Variants in RASA2 observed in about 807,000 individuals in gnomAD.
RASA2 encodes ras GTPase-activating protein 2.
A neutral mutation model predicts 118.2 loss-of-function variants in RASA2; 155 were observed. The ratio of observed to expected loss-of-function variants is 1.31; its 90% CI spans 1.15 to 1.50. RASA2 has a LOEUF of 1.50. RASA2 is among the 40% of genes most tolerant of loss of function. The probability of loss-of-function intolerance (pLI) is 0.00; values close to 1 mark genes in which losing one functional copy is unlikely to be tolerated. For synonymous variants in RASA2, 353 were observed against 349.1 expected (o/e 1.01, Z -0.12); for missense variants, 1,016 against 1,009.6 (o/e 1.01, Z -0.09).
Position 141,580,423 on chromosome 3 carries a change from G to A in RASA2, c.1646G>A (p.Gly549Glu). Residue 549 changes from glycine (G) to glutamate (E), a missense_variant, in exon 16 of 24, where the codon GGA (glycine) becomes GAA (glutamate). Gly to Glu is a moderately conservative substitution (Grantham distance 98). Around this residue, in one of 2 missense-constraint regions of RASA2, gnomAD observed 896 missense variants for 836.4 expected, o/e 1.07. Transcript: ENST00000286364. ...ATCTCAAAAACTATACAAACTTTGG[G>A]AAGCTGGGGGAGTCTGTCCAAAAGC... Reference protein sequence around the residue: ...TLISKTIQTLGSWGSLSKSKS... With the variant: ...TLISKTIQTLESWGSLSKSKS... 6.2e-7 allele frequency: 1 copy of A among 1,608,290 alleles called. No homozygotes were observed. Among genetic ancestry groups the A allele is most frequent in the Non-Finnish European group, 8.5e-7 (1 of 1,175,962 alleles).
intron 3 of RASA2, among the ~76,000 whole-genome samples, chr3:141,526,415 T>C (rs1050318571): frequency 6.6e-6 from 1 of 151,964 alleles, no homozygotes; most frequent in African/African-American, 2.4e-5. Flanking sequence ...CGTACTTCCT[T>C]CTCATTTATC....
At chr3:141,549,747 G>A (rs1221311639) in intron 5 of RASA2, among the ~76,000 whole-genome samples, 2 of 152,120 alleles carry the variant, frequency 1.3e-5, no homozygotes, top group African/African-American at 2.4e-5. Flanking sequence ...AAAGAACCTG[G>A]ACTCCTTTTT....
Position 141,586,650 on chromosome 3 carries a change from A to G in RASA2, c.1831A>G (p.Met611Val). The part of the protein sequence containing the change: ...SEPVHLKEGE[M>V]YKRAQGRTRI... ...TTACATCTGTTATGTTGGCAGTGAG[A>G]TGTATAAAAGAGCTCAAGGAAGAAC... Residue 611 changes from methionine (M) to valine (V), a missense_variant, in exon 19 of 24, where the codon ATG becomes GTG. Met to Val is a conservative substitution (Grantham distance 21). This residue lies in a region of RASA2 where 896 missense variants were observed against 836.4 expected (regional missense o/e 1.07). Transcript: ENST00000286364. The G allele has an allele frequency of 3.8e-6, 6 of 1,599,244 alleles. No homozygotes were observed. The highest frequency in any genetic ancestry group is 5.1e-6 in the Non-Finnish European group (6 of 1,167,672).
Position 141,586,633 on chromosome 3 carries a change from G to C in RASA2, c.1827-13G>C, listed in dbSNP as rs2083206827. On this transcript the variant is annotated splice_polypyrimidine_tract_variant and intron_variant, in intron 18 of 23. Transcript: ENST00000286364. ...TTTTTATAGCTAAATGTTTACATCT[G>C]TTATGTTGGCAGTGAGATGTATAAA... The C allele has an allele frequency of 1.3e-6, 2 of 1,549,564 alleles. No homozygotes were observed. The highest frequency in any genetic ancestry group is 1.8e-6 in the Non-Finnish European group (2 of 1,124,614).
intron 9 of RASA2, among the ~76,000 whole-genome samples, chr3:141,563,465 A>G (rs1012614506): frequency 6.6e-6 from 1 of 152,172 alleles, no homozygotes; most frequent in Non-Finnish European, 1.5e-5. Flanking sequence ...AAATAATCAC[A>G]TTTATATAGT....
At chr3:141,573,054 C>A in intron 12 of RASA2, 93 bp from the exon 13 acceptor site, 1 of 1,122,362 alleles carries the variant, frequency 8.9e-7, no homozygotes, top group Non-Finnish European at 1.2e-6. Flanking sequence ...GTTTAAATTT[C>A]TATAATTAAC....
At chr3:141,489,804 C>T (rs1295909638) in intron 1 of RASA2, among the ~76,000 whole-genome samples, 1 of 151,724 alleles carries the variant, frequency 6.6e-6, no homozygotes. Context: ...TTATACTTCA[C>T]AAGGTGAAAT....
At chr3:141,573,829 A>G in intron 13 of RASA2, 115 bp from the exon 14 acceptor site, 1 of 865,028 alleles carries the variant, frequency 1.2e-6, no homozygotes. Flanking sequence ...TACTTTAAAA[A>G]ATGTTAGATA....
chr3:141,585,346 G>C (rs1402968469), intron 17 of RASA2, among the ~76,000 whole-genome samples: 1 of 152,134 alleles, frequency 6.6e-6, no homozygotes, highest in Non-Finnish European at 1.5e-5. Context: ...CCTTACACCA[G>C]TTCAGGTTAA....
At chr3:141,537,550 C>G (rs2082345130) in intron 4 of RASA2, among the ~76,000 whole-genome samples, 1 of 152,170 alleles carries the variant, frequency 6.6e-6, no homozygotes, top group Non-Finnish European at 1.5e-5. Flanking sequence ...GGGAAAATTA[C>G]TTGAGGTCAG....
intron 23 of RASA2, among the ~76,000 whole-genome samples, chr3:141,611,534 C>G (rs148183722): frequency 2.0e-5 from 3 of 152,226 alleles, no homozygotes; most frequent in African/African-American, 7.2e-5. Context: ...ATCCTCAAAT[C>G]AGCCCAACTT....
At chr3:141,576,887 T>C in intron 14 of RASA2, 113 bp from the exon 15 acceptor site, 1 of 567,168 alleles carries the variant, frequency 1.8e-6, no homozygotes, top group Non-Finnish European at 2.9e-6. Context: ...CAGTTCTTAC[T>C]AGACAAATTA....
At chr3:141,609,397 TTA>T (rs1274024555) in intron 21 of RASA2, 21 bp from the exon 22 acceptor site, 11 of 1,406,856 alleles carry the variant, frequency 7.8e-6, no homozygotes, top group South Asian at 1.5e-5. Flanking sequence ...TATAATATCT[TTA>T]TTTTTTTATT....
At chr3:141,544,258 C>T (rs1464349075) in intron 5 of RASA2, among the ~76,000 whole-genome samples, 3 of 152,138 alleles carry the variant, frequency 2.0e-5, no homozygotes, top group African/African-American at 7.2e-5. Flanking sequence ...TTGGGGTTCG[C>T]TCAGCTTCTT....
At chr3:141,511,051 T>G (rs945035809) in intron 1 of RASA2, among the ~76,000 whole-genome samples, 1 of 152,158 alleles carries the variant, frequency 6.6e-6, no homozygotes, top group Non-Finnish European at 1.5e-5. Flanking sequence ...ACTCGGTGAT[T>G]CTGGTCAAGG....
At chr3:141,572,523 T>G (rs2082940137) in intron 11 of RASA2, 86 bp from the exon 12 acceptor site, 2 of 924,110 alleles carry the variant, frequency 2.2e-6, no homozygotes, top group Non-Finnish European at 1.8e-6. Flanking sequence ...AGCTAAATGC[T>G]TCTTTCTTAA....
At chr3:141,502,523 G>A (rs911600300) in intron 1 of RASA2, among the ~76,000 whole-genome samples, 3 of 151,930 alleles carry the variant, frequency 2.0e-5, no homozygotes, top group Non-Finnish European at 2.9e-5. Flanking sequence ...CTGCCTCCTC[G>A]ATGGTGCTCT....
At chr3:141,594,120 CA>C (rs1366205956) in intron 19 of RASA2, among the ~76,000 whole-genome samples, 2 of 152,064 alleles carry the variant, frequency 1.3e-5, no homozygotes, top group Non-Finnish European at 2.9e-5. Context: ...AAAAGGGAAT[CA>C]AATGGAAATT....
chr3:141,493,378 A>G (rs2081661450), intron 1 of RASA2, among the ~76,000 whole-genome samples: 1 of 152,184 alleles, frequency 6.6e-6, no homozygotes, highest in Non-Finnish European at 1.5e-5. Context: ...TACTTGTGCC[A>G]TGGTCTACCT....
Sources: gnomAD v4.1 joint callset for allele counts (sites outside exome capture counted in the v4.1 genomes callset) on GRCh38, gnomAD v4.1.1 for gene constraint, gnomAD v4.1.1 regional missense constraint, MANE v1.5 for transcripts, NCBI Gene and HGNC (gene_info 2026-07-23, HGNC 2026-07-21) for gene names.